CTU2: variants seen among roughly 807,000 people sequenced by gnomAD.
The protein encoded by CTU2 is cytosolic thiouridylase subunit 2.
Under a neutral mutation model 64.1 loss-of-function variants are expected in CTU2, and 80 were observed. That is an observed-to-expected ratio of 1.25 (90% CI 1.04 to 1.50). The LOEUF is 1.50. Among genes scored for constraint, CTU2 ranks in the 40% most tolerant of loss-of-function variants. The pLI, the probability that CTU2 is intolerant of heterozygous loss-of-function variation, is 0.00. For missense variants in CTU2, 1,110 were observed against 690.2 expected, an observed-to-expected ratio of 1.61 and a Z score of -6.81; for synonymous variants, 482 against 285.3, an observed-to-expected ratio of 1.69 and a Z score of -6.95.
chr16:88,710,093 C>T (rs1911194593), intron 3 of CTU2, 77 bp downstream of exon 3: 1 of 1,575,014 alleles, frequency 6.3e-7, no homozygotes, highest in Non-Finnish European at 8.7e-7. Context: ...CACAGGCAGC[C>T]TGGCCTGCTG....
chr16:88,710,344 C>A, intron 4 of CTU2, 62 bp downstream of exon 4: 1 of 1,560,168 alleles, frequency 6.4e-7, no homozygotes, highest in South Asian at 1.1e-5. Context: ...GGGGGCCTCC[C>A]TTCTCAGCCT....
rs775477017 is a variant in CTU2, at chr16:88,714,430, G to C, written c.1145G>C (p.Gly382Ala). Residue 382 changes from glycine to alanine, a missense_variant, in exon 11 of 15, where the codon GGC (glycine) becomes GCC (alanine). By Grantham distance (60) the Gly-to-Ala change is moderately conservative. Coordinates refer to ENST00000453996, the MANE Select transcript of CTU2 (RefSeq NM_001012759.3). The stretch of plus-strand genomic sequence containing the variant: ...GGCCCCCGGGATGGCCCTGCTGCTG[G>C]CGACTCCGGCCCCCGCTGCCTCCTC... ...VKGPRDGPAAGDSGPRCLLCM... is the reference protein window; with the variant it reads ...VKGPRDGPAAADSGPRCLLCM... 6.2e-7 allele frequency: 1 copy of C among 1,612,500 alleles called. No homozygotes were observed. Among genetic ancestry groups the C allele is most frequent in the Non-Finnish European group, 8.5e-7 (1 of 1,179,808 alleles).
rs369895707 is a variant in CTU2, at chr16:88,715,131, C to A, written c.1478+25C>A. ...GGTACTGGGGCCCACACTGCCGTGG[C>A]GCGTGGGTAAGGGGCCTCGGGGCTG... On this transcript the variant is annotated intron_variant, in intron 14 of 14. Transcript: ENST00000453996. 40 of 1,603,526 alleles carry A rather than the reference C, an allele frequency of 2.5e-5. 1 individual carries two copies. The South Asian group carries it at 3.6e-4, about 14-fold the overall frequency.
chr16:88,711,472 C>G (rs960182166), intron 4 of CTU2, among the ~76,000 whole-genome samples, 163 bp from the exon 5 acceptor site: 1 of 152,194 alleles, frequency 6.6e-6, no homozygotes, highest in Non-Finnish European at 1.5e-5. Flanking sequence ...CTGGGCCTGC[C>G]CGGCACCTGA....
chr16:88,710,314 G>T, intron 4 of CTU2, 32 bp downstream of exon 4: 1 of 1,611,202 alleles, frequency 6.2e-7, no homozygotes, highest in Non-Finnish European at 8.5e-7. Flanking sequence ...GGCCCGGGCT[G>T]CTGGGCTGAG....
Position 88,712,782 on chromosome 16 carries a change from A to G in CTU2, c.614A>G (p.Gln205Arg). ...ACTCAAGGGGAGGAACAGCCACCCC[A>G]GCCCCCGCTGGACCCCCAGAACCTG... ...GPTQGEEQPP[Q>R]PPLDPQNLAR... The change falls in exon 7 of 15, where the codon CAG becomes CGG. Residue 205 changes from glutamine (Q) to arginine (R), a missense_variant. By Grantham distance (43) the Gln-to-Arg change is conservative. Coordinates refer to ENST00000453996, the MANE Select transcript of CTU2 (RefSeq NM_001012759.3). 2 of 1,608,026 alleles carry G rather than the reference A, an allele frequency of 1.2e-6. No homozygotes were observed. Among genetic ancestry groups the G allele is most frequent in the South Asian group, 2.2e-5 (2 of 90,702 alleles).
chr16:88,712,486 C>A, intron 6 of CTU2, 103 bp downstream of exon 6: 1 of 1,445,170 alleles, frequency 6.9e-7, no homozygotes, highest in Non-Finnish European at 9.4e-7. Context: ...GAAGGCGGGG[C>A]TGTCGGTGGG....
chr16:88,707,765 C>T (rs1475866036), intron 2 of CTU2, among the ~76,000 whole-genome samples: 4 of 151,626 alleles, frequency 2.6e-5, no homozygotes, highest in South Asian at 4.2e-4. Flanking sequence ...TCCTTTTAGC[C>T]CTCTTAATTC....
Position 88,715,348 on chromosome 16 carries a change from C to CATTT in CTU2, c.*98_*101dup. On this transcript the variant is annotated 3_prime_UTR_variant, in exon 15 of 15. Coordinates refer to ENST00000453996, the MANE Select transcript of CTU2 (RefSeq NM_001012759.3). The stretch of plus-strand genomic sequence containing the variant: ...GACGGGGGACTGGCCTCTGATTGTC[C>CATTT]ATTTGTATAAATAAAACATTTTTTA... 1 of 1,279,362 alleles carries CATTT rather than the reference C, an allele frequency of 7.8e-7. No individual in the cohort carries two copies. The highest frequency in any genetic ancestry group is 1.3e-5 in the South Asian group (1 of 74,284). The allele number at this position is 1,279,362 out of a possible 1,614,324, so 79.3% of individuals were successfully genotyped here. A position where few individuals can be genotyped will look rare whatever the true frequency, so the allele number is the denominator to read the frequency against.
intron 8 of CTU2, 29 bp downstream of exon 8, chr16:88,713,476 C>G (rs1034651938): frequency 4.5e-6 from 7 of 1,561,024 alleles, no homozygotes; most frequent in Non-Finnish European, 5.2e-6. Context: ...GTTCAGGAGG[C>G]CCATCCTCAC....
Position 88,707,124 on chromosome 16 carries a change from C to T in CTU2, c.69-12C>T, listed in dbSNP as rs755514104. 4 of 1,613,230 alleles carry T rather than the reference C, an allele frequency of 2.5e-6. No individual in the cohort carries two copies. The highest frequency in any genetic ancestry group is 2.2e-5 in the East Asian group (1 of 44,862). The stretch of plus-strand genomic sequence containing the variant: ...CTGTGTTTCTCTCTTCTCCCCCCTC[C>T]CATCTCCAAAGCCGTGAGCAGAAGT... On this transcript the variant is annotated splice_polypyrimidine_tract_variant and intron_variant, in intron 1 of 14. Coordinates refer to ENST00000453996, the MANE Select transcript of CTU2 (RefSeq NM_001012759.3).
chr16:88,707,321 A>AT, intron 2 of CTU2, 111 bp downstream of exon 2: 1 of 1,012,762 alleles, frequency 9.9e-7, no homozygotes, highest in Non-Finnish European at 1.5e-6. Flanking sequence ...TACTTACTTT[A>AT]TTCCTGCTCC....
rs776563195 is a variant in CTU2 at position 88,714,085 on chromosome 16, C to A, written c.1006-51C>A. On this transcript the variant is annotated intron_variant, in intron 9 of 14. Coordinates refer to ENST00000453996, the MANE Select transcript of CTU2 (RefSeq NM_001012759.3). ...CCTGTCCTGGGGACTCTGCCCCAGC[C>A]TGGGGCTGGCCTCTGGGCTTTCCCA... 8.9e-6 allele frequency: 14 copies of A among 1,566,836 alleles called. No homozygotes were observed. In the South Asian group the frequency reaches 1.3e-4, roughly 15 times the overall value.
At position 88,713,438 on chromosome 16, in the gene CTU2, C is replaced by G. The variant is rs777549990; in HGVS notation, c.864C>G (p.Ala288=). The change falls in exon 8 of 15, where the codon GCC becomes GCG. Residue 288 remains alanine, a synonymous_variant. Coordinates refer to ENST00000453996, the MANE Select transcript of CTU2 (RefSeq NM_001012759.3). ...NLALGRGAFL[A]WDTGFSDERH... ...CGCTGGGTCGAGGGGCCTTCCTGGC[C>G]TGGGATACGGTAGGCAGGGGCCTGG... 1 of 1,582,030 alleles carries G rather than the reference C, an allele frequency of 6.3e-7. No individual in the cohort carries two copies. The highest frequency in any genetic ancestry group is 1.2e-5 in the South Asian group (1 of 86,374).
chr16:88,713,441 G>C lies in CTU2; in HGVS notation c.867G>C (p.Trp289Cys), dbSNP rs376607358. Reference protein sequence around the residue: ...LALGRGAFLAWDTGFSDERHG... With the variant: ...LALGRGAFLACDTGFSDERHG... ...TGGGTCGAGGGGCCTTCCTGGCCTG[G>C]GATACGGTAGGCAGGGGCCTGGGTG... Residue 289 changes from tryptophan (W) to cysteine (C), a missense_variant, in exon 8 of 15, where the codon TGG (tryptophan) becomes TGC (cysteine). Physicochemically the swap from Trp to Cys is radical, Grantham distance 215. Coordinates refer to ENST00000453996, the MANE Select transcript of CTU2 (RefSeq NM_001012759.3). 2.0e-5 allele frequency: 31 copies of C among 1,578,314 alleles called. No individual in the cohort carries two copies. In the African/African-American group the frequency reaches 4.0e-4, roughly 20 times the overall value.
chr16:88,714,252 G>A lies in CTU2; in HGVS notation c.1097+25G>A, dbSNP rs371659918. 5.9e-5 allele frequency: 95 copies of A among 1,598,160 alleles called. 2 individuals are homozygous for A. The highest frequency in any genetic ancestry group is 2.1e-4 in the South Asian group (19 of 90,390). On this transcript the variant is annotated intron_variant, in intron 10 of 14. Transcript: ENST00000453996. ...GGTGTGGGTGTGTGTGGGTGTGTGC[G>A]GGGGGTGCGCGGGTGTGTGCTGTGC...
Position 88,712,539 on chromosome 16 carries a change from C to G in CTU2, c.454-83C>G, listed in dbSNP as rs2290897. 20 of 1,542,956 alleles carry G rather than the reference C, an allele frequency of 1.3e-5. No individual in the cohort carries two copies. In the African/African-American group the frequency reaches 1.8e-4, roughly 14 times the overall value. On this transcript the variant is annotated intron_variant, in intron 6 of 14. Transcript: ENST00000453996. ...CCGTGCCCCAGCCTCACTGCCGTCT[C>G]CCGCATCCCGGAAGGTGGGGCTGTC... is the stretch of plus-strand genomic sequence containing the variant.
chr16:88,713,979 G>A (rs1911621328), intron 9 of CTU2, among the ~76,000 whole-genome samples, 157 bp from the exon 10 acceptor site: 1 of 152,190 alleles, frequency 6.6e-6, no homozygotes. Context: ...TGGGTGCACT[G>A]CTGAAGCGGG....
At chr16:88,709,739 C>G (rs1306625372) in intron 2 of CTU2, 199 bp from the exon 3 acceptor site, 1 of 591,568 alleles carries the variant, frequency 1.7e-6, no homozygotes, top group Non-Finnish European at 3.0e-6. Context: ...GGCCGGTGAG[C>G]CTCGTGTTCA....
Sources: allele counts gnomAD v4.1 joint callset (sites outside exome capture counted in the v4.1 genomes callset), GRCh38; gene constraint gnomAD v4.1.1; transcripts MANE v1.5; gene names NCBI Gene and HGNC (gene_info 2026-07-23, HGNC 2026-07-21).